TEAD1: variants seen among roughly 807,000 people sequenced by gnomAD.
The protein encoded by TEAD1 is TEA domain transcription factor 1.
A neutral mutation model predicts 54.9 loss-of-function variants in TEAD1; 9 were observed. The ratio of observed to expected loss-of-function variants is 0.16; its 90% CI spans 0.10 to 0.29. The LOEUF is 0.29. Ranked by LOEUF, TEAD1 falls within the 10% of genes least tolerant of loss-of-function variation. TEAD1 has a pLI of 1.00. For synonymous variants in TEAD1, 200 were observed against 187.8 expected, an observed-to-expected ratio of 1.07 and a Z score of -0.53; for missense variants, 387 against 535.9, an observed-to-expected ratio of 0.72 and a Z score of 2.74.
At chr11:12,795,988 T>C (rs1425514906) in intron 3 of TEAD1, among the ~76,000 whole-genome samples, 4 of 152,212 alleles carry the variant, frequency 2.6e-5, no homozygotes, top group East Asian at 1.9e-4. Context: ...ACTGTGGGGC[T>C]GGAGGTCCTC....
At chr11:12,901,059 G>A (rs1283664810) in intron 9 of TEAD1, among the ~76,000 whole-genome samples, 2 of 152,158 alleles carry the variant, frequency 1.3e-5, no homozygotes, top group African/African-American at 4.8e-5. Context: ...ATGATGTTTG[G>A]CCTCTCTCAG....
intron 2 of TEAD1, among the ~76,000 whole-genome samples, chr11:12,745,122 G>A (rs7931373): frequency 6.6e-6 from 1 of 152,170 alleles, no homozygotes; most frequent in Non-Finnish European, 1.5e-5. Context: ...TCGAGTCTAC[G>A]GTTTTTTCTC....
chr11:12,750,602 A>G (rs1944851193), intron 2 of TEAD1, among the ~76,000 whole-genome samples: 1 of 151,688 alleles, frequency 6.6e-6, no homozygotes, highest in Non-Finnish European at 1.5e-5. Flanking sequence ...TTGCTCACAC[A>G]CTCCTGGTGT....
At chr11:12,802,737 G>C (rs1355164178) in intron 3 of TEAD1, among the ~76,000 whole-genome samples, 1 of 152,172 alleles carries the variant, frequency 6.6e-6, no homozygotes, top group African/African-American at 2.4e-5. Flanking sequence ...AGATATGAGC[G>C]ATGTGCCGAT....
At chr11:12,827,120 C>T (rs1368918992) in intron 3 of TEAD1, among the ~76,000 whole-genome samples, 1 of 152,094 alleles carries the variant, frequency 6.6e-6, no homozygotes, top group Non-Finnish European at 1.5e-5. Context: ...AGTGGATTTT[C>T]CTGAGTAGTG....
At chr11:12,875,673 T>C (rs1020210641) in intron 5 of TEAD1, among the ~76,000 whole-genome samples, 15 of 152,218 alleles carry the variant, frequency 9.9e-5, no homozygotes, top group Non-Finnish European at 2.9e-5. Context: ...TTAGTCCATT[T>C]GCAGAAAATT....
rs1428787322 is a variant in TEAD1, at chr11:12,691,518, A to T, written c.-55+15957A>T. Among the ~76,000 whole-genome samples, 23 of 152,212 alleles carry T rather than the reference A, an allele frequency of 1.5e-4. 1 individual carries two copies. The highest frequency in any genetic ancestry group is 1.5e-3 in the Admixed American group (23 of 15,294). The stretch of plus-strand genomic sequence containing the variant: ...GCCATGTCAACTCTAATCGTGGTAA[A>T]AGCTTTCCTTGCACACTTGCTCATG... On this transcript the variant is annotated intron_variant, in intron 2 of 12. Transcript: ENST00000527636.
At chr11:12,723,446 C>A (rs1022518387) in intron 2 of TEAD1, among the ~76,000 whole-genome samples, 2 of 152,118 alleles carry the variant, frequency 1.3e-5, no homozygotes, top group Non-Finnish European at 2.9e-5. Flanking sequence ...TAACAAAAAC[C>A]AAACCCAGAA....
intron 3 of TEAD1, among the ~76,000 whole-genome samples, chr11:12,857,166 G>A (rs967496322): frequency 5.9e-5 from 9 of 152,108 alleles, no homozygotes; most frequent in African/African-American, 2.2e-4. Flanking sequence ...AGCCAATGAT[G>A]GGCTCATTTC....
chr11:12,890,813 G>A (rs1016716714), intron 9 of TEAD1, among the ~76,000 whole-genome samples: 2 of 152,310 alleles, frequency 1.3e-5, no homozygotes, highest in African/African-American at 4.8e-5. Context: ...CGCCCAGGCT[G>A]GAGTACAGTG....
At chr11:12,691,858 C>A (rs1943463930) in intron 2 of TEAD1, among the ~76,000 whole-genome samples, 1 of 152,070 alleles carries the variant, frequency 6.6e-6, no homozygotes, top group Non-Finnish European at 1.5e-5. Context: ...TACGTTTGTA[C>A]TCATCTGTTT....
intron 2 of TEAD1, among the ~76,000 whole-genome samples, chr11:12,697,253 G>A (rs1451586851): frequency 6.7e-6 from 1 of 149,130 alleles, no homozygotes; most frequent in African/African-American, 2.5e-5. Context: ...AAAATAAAAA[G>A]TGCACAGGTG....
chr11:12,770,556 G>A (rs1254346691), intron 3 of TEAD1, among the ~76,000 whole-genome samples: 1 of 152,170 alleles, frequency 6.6e-6, no homozygotes, highest in African/African-American at 2.4e-5. Context: ...CATTGCTATA[G>A]GATGTGCGAT....
At chr11:12,747,549 T>G (rs2133901219) in intron 2 of TEAD1, among the ~76,000 whole-genome samples, 1 of 152,286 alleles carries the variant, frequency 6.6e-6, no homozygotes, top group South Asian at 2.1e-4. Context: ...TTGGCAAGGC[T>G]GGTCTTGAAC....
At chr11:12,850,044 T>C (rs1947239582) in intron 3 of TEAD1, among the ~76,000 whole-genome samples, 1 of 152,222 alleles carries the variant, frequency 6.6e-6, no homozygotes, top group African/African-American at 2.4e-5. Flanking sequence ...TGTAGTACGG[T>C]GTCCTGAACA....
chr11:12,729,809 G>A (rs1944384047), intron 2 of TEAD1, among the ~76,000 whole-genome samples: 1 of 152,186 alleles, frequency 6.6e-6, no homozygotes, highest in African/African-American at 2.4e-5. Flanking sequence ...TCACGATAGA[G>A]AATGCACTGG....
intron 2 of TEAD1, among the ~76,000 whole-genome samples, chr11:12,714,305 A>G (rs1944008568): frequency 6.6e-6 from 1 of 152,150 alleles, no homozygotes; most frequent in South Asian, 2.1e-4. Context: ...GTGGGATGAT[A>G]GGATCTGCAC....
intron 2 of TEAD1, among the ~76,000 whole-genome samples, chr11:12,747,428 G>A (rs1457630150): frequency 6.6e-5 from 10 of 151,928 alleles, no homozygotes; most frequent in African/African-American, 1.9e-4. Context: ...TCTGCCTCCC[G>A]GGTTCAAGTG....
chr11:12,845,728 G>A lies in TEAD1; in HGVS notation c.203-16522G>A, dbSNP rs80276834. Among the ~76,000 whole-genome samples, 1,477 of 152,322 alleles carry A rather than the reference G, an allele frequency of 9.7e-3. 22 individuals are homozygous for A. Among genetic ancestry groups the A allele is most frequent in the African/African-American group, 0.034 (1,396 of 41,564 alleles). Reference sequence around the variant, plus strand: ...CCCTTTTAGCGGTGGCCTTTTGCACGTGTCTTGCACTAGCCAAGACAAGTC... The same window carrying A: ...CCCTTTTAGCGGTGGCCTTTTGCACATGTCTTGCACTAGCCAAGACAAGTC... On this transcript the variant is annotated intron_variant, in intron 3 of 12. Coordinates refer to ENST00000527636, the MANE Select transcript of TEAD1 (RefSeq NM_021961.6).
Sources: gnomAD v4.1 joint callset for allele counts (sites outside exome capture counted in the v4.1 genomes callset) on GRCh38, gnomAD v4.1.1 for gene constraint, MANE v1.5 for transcripts, NCBI Gene and HGNC (gene_info 2026-07-23, HGNC 2026-07-21) for gene names.